PGLYRP4: variants seen among roughly 807,000 people sequenced by gnomAD.
PGLYRP4 encodes PGRP-I-beta.
A neutral mutation model predicts 41.2 loss-of-function variants in PGLYRP4; 39 were observed. The ratio of observed to expected loss-of-function variants is 0.95; its 90% CI spans 0.73 to 1.24. The LOEUF (loss-of-function observed/expected upper bound fraction) is 1.24. Among genes scored for constraint, PGLYRP4 ranks in the 50% most tolerant of loss-of-function variants. The pLI, the probability that PGLYRP4 is intolerant of heterozygous loss-of-function variation, is 0.00. For synonymous variants in PGLYRP4, 202 were observed against 186.8 expected (o/e 1.08, Z -0.66); for missense variants, 467 against 460.7 (o/e 1.01, Z -0.13).
intron 8 of PGLYRP4, chr1:153,331,823 G>C (rs1655309): frequency 0.93 from 141,121 of 152,404 alleles, 65,416 homozygotes; most frequent in African/African-American, 0.98. Context: ...AAGTTCTACA[G>C]ATGGAAACTA....
chr1:153,332,217 A>C (rs1374877342), intron 8 of PGLYRP4, among the ~76,000 whole-genome samples: 2 of 152,178 alleles, frequency 1.3e-5, no homozygotes, highest in Admixed American at 1.3e-4. Context: ...AAAAAAGATA[A>C]GGAAGTTCAT....
At chr1:153,335,387 G>A (rs1286912452) in intron 8 of PGLYRP4, among the ~76,000 whole-genome samples, 1 of 152,074 alleles carries the variant, frequency 6.6e-6, no homozygotes, top group East Asian at 1.9e-4. Context: ...AAAGGATGTA[G>A]ACAGACATTT....
chr1:153,340,343 C>G, intron 7 of PGLYRP4, 38 bp downstream of exon 7: 1 of 1,584,052 alleles, frequency 6.3e-7, no homozygotes, highest in South Asian at 1.1e-5. Context: ...TTTCTGCCCC[C>G]AAGGGAAAAG....
At chr1:153,340,269 G>T in intron 7 of PGLYRP4, 112 bp downstream of exon 7, 1 of 912,420 alleles carries the variant, frequency 1.1e-6, no homozygotes, top group Non-Finnish European at 1.8e-6. Context: ...TCCATACAGT[G>T]CCTCTCCTAT....
In PGLYRP4 at chr1:153,347,098, G is replaced by A. The variant is rs924831332; in HGVS notation, c.49+786C>T. Reference sequence around the variant, plus strand: ...TTTTGTTTGTTTGTTTGTTTGAGACGGACTCTCACTCTGTCACCAGGCTGG... The same window carrying A: ...TTTTGTTTGTTTGTTTGTTTGAGACAGACTCTCACTCTGTCACCAGGCTGG... On this transcript the variant is annotated intron_variant, in intron 2 of 8. Transcript: ENST00000359650. Among the ~76,000 whole-genome samples, 12 of 152,010 alleles carry A rather than the reference G, an allele frequency of 7.9e-5. No homozygotes were observed. In the East Asian group the frequency reaches 1.7e-3, roughly 22 times the overall value.
At chr1:153,335,668 T>C (rs1474742653) in intron 8 of PGLYRP4, among the ~76,000 whole-genome samples, 1 of 150,122 alleles carries the variant, frequency 6.7e-6, no homozygotes, top group African/African-American at 2.5e-5. Context: ...GAGGTTGCAG[T>C]GAGCCGAGGT....
At position 153,330,575 on chromosome 1, in the gene PGLYRP4, T is replaced by A. The variant is rs1012197137; in HGVS notation, c.*192A>T. The A allele has an allele frequency of 1.5e-5, 7 of 455,612 alleles. No individual in the cohort carries two copies. Among genetic ancestry groups the A allele is most frequent in the Non-Finnish European group, 2.8e-5 (7 of 247,794 alleles). The allele number at this position is 455,612 out of a possible 1,614,324, so 28.2% of individuals were successfully genotyped here. A position where few individuals can be genotyped will look rare whatever the true frequency, so the allele number is the denominator to read the frequency against. On this transcript the variant is annotated 3_prime_UTR_variant, in exon 9 of 9. Coordinates refer to ENST00000359650, the MANE Select transcript of PGLYRP4 (RefSeq NM_020393.4). ...ACTCAGACTCAGAGGGCTGTGAATG[T>A]CCAGCTATGAGGTTTGGAGGCCCTT...
At chr1:153,334,317 T>C in intron 8 of PGLYRP4, among the ~76,000 whole-genome samples, 1 of 151,422 alleles carries the variant, frequency 6.6e-6, no homozygotes, top group East Asian at 1.9e-4. Context: ...TATAGATAGA[T>C]ATAGATAGAT....
intron 8 of PGLYRP4, among the ~76,000 whole-genome samples, chr1:153,332,474 A>T (rs1229160769): frequency 6.6e-6 from 1 of 152,184 alleles, no homozygotes; most frequent in Non-Finnish European, 1.5e-5. Context: ...CAGATCATCA[A>T]GGCAGAAAAT....
chr1:153,332,047 C>G (rs552157171), intron 8 of PGLYRP4, among the ~76,000 whole-genome samples: 11 of 152,058 alleles, frequency 7.2e-5, no homozygotes, highest in African/African-American at 2.7e-4. Flanking sequence ...ACACAAAATC[C>G]AACTGTATGC....
intron 8 of PGLYRP4, among the ~76,000 whole-genome samples, chr1:153,336,387 A>AAC (rs1660565891): frequency 1.3e-5 from 2 of 151,026 alleles, no homozygotes; most frequent in South Asian, 4.2e-4. Flanking sequence ...AAAAAAAAAA[A>AAC]AAAAACAAAG....
chr1:153,333,231 G>T (rs553259865), intron 8 of PGLYRP4, among the ~76,000 whole-genome samples: 3 of 152,070 alleles, frequency 2.0e-5, no homozygotes, highest in East Asian at 3.9e-4. Context: ...AAATAATAAA[G>T]GTTGCATTAC....
rs1256434913 is a variant in PGLYRP4 at position 153,343,767 on chromosome 1, C to G, written c.354-559G>C. Among the ~76,000 whole-genome samples, 4 of 152,274 alleles carry G rather than the reference C, an allele frequency of 2.6e-5. No individual in the cohort carries two copies. The East Asian group carries it at 7.7e-4, about 29-fold the overall frequency. ...ACCACTTTAAATTCCAGCTCCCTTT[C>G]TAGCCTCATGTATTTCAAGGAAATC... On this transcript the variant is annotated intron_variant, in intron 4 of 8. Coordinates refer to ENST00000359650, the MANE Select transcript of PGLYRP4 (RefSeq NM_020393.4).
chr1:153,346,620 T>C (rs983756106), intron 2 of PGLYRP4, among the ~76,000 whole-genome samples: 4 of 152,184 alleles, frequency 2.6e-5, no homozygotes, highest in African/African-American at 7.2e-5. Flanking sequence ...TCCCCCGGGA[T>C]TGATTTTAGG....
In PGLYRP4 at chr1:153,330,684, G is replaced by T; in HGVS notation, c.*83C>A. 1 of 1,205,442 alleles carries T rather than the reference G, an allele frequency of 8.3e-7. No homozygotes were observed. The highest frequency in any genetic ancestry group is 1.2e-6 in the Non-Finnish European group (1 of 837,418). The allele number at this position is 1,205,442 out of a possible 1,614,324, so 74.7% of individuals were successfully genotyped here. A position where few individuals can be genotyped will look rare whatever the true frequency, so the allele number is the denominator to read the frequency against. Reference sequence around the variant, plus strand: ...TGTGTGGCAGGGGAGGAGGGCAAAAGGTGTTGAGCCAAGCTGGATGGTTAG... The same window carrying T: ...TGTGTGGCAGGGGAGGAGGGCAAAATGTGTTGAGCCAAGCTGGATGGTTAG... On this transcript the variant is annotated 3_prime_UTR_variant, in exon 9 of 9. Coordinates refer to ENST00000359650, the MANE Select transcript of PGLYRP4 (RefSeq NM_020393.4).
intron 8 of PGLYRP4, among the ~76,000 whole-genome samples, chr1:153,334,474 A>G (rs1660466115): frequency 6.9e-6 from 1 of 145,644 alleles, no homozygotes; most frequent in African/African-American, 2.5e-5. Context: ...TTATTTATAT[A>G]TATTTATATA....
At chr1:153,340,780 C>G (rs1295753217) in intron 6 of PGLYRP4, among the ~76,000 whole-genome samples, 1 of 150,274 alleles carries the variant, frequency 6.7e-6, no homozygotes, top group Non-Finnish European at 1.5e-5. Flanking sequence ...ACATTTTATT[C>G]TAAGAATATG....
Position 153,347,451 on chromosome 1 carries a change from C to A in PGLYRP4, c.49+433G>T, listed in dbSNP as rs529254841. ...GTGGCACGATCTCATCTCACTACAA[C>A]CTCCATCTCCTGGCTTCAAGCAATT... On this transcript the variant is annotated intron_variant, in intron 2 of 8. Coordinates refer to ENST00000359650, the MANE Select transcript of PGLYRP4 (RefSeq NM_020393.4). 2.0e-5 allele frequency among the ~76,000 whole-genome samples: 3 copies of A among 152,246 alleles called. No homozygotes were observed. The South Asian group carries it at 6.2e-4, about 32-fold the overall frequency.
rs961484435 is a variant in PGLYRP4, at chr1:153,330,655, G to T, written c.*112C>A. 2.4e-6 allele frequency: 2 copies of T among 847,238 alleles called. No homozygotes were observed. Among genetic ancestry groups the T allele is most frequent in the Non-Finnish European group, 3.8e-6 (2 of 520,838 alleles). 52.5% of individuals were successfully genotyped at this position (847,238 alleles called of 1,614,324 possible). A position where few individuals can be genotyped will look rare whatever the true frequency, so the allele number is the denominator to read the frequency against. On this transcript the variant is annotated 3_prime_UTR_variant, in exon 9 of 9. Transcript: ENST00000359650. ...ATCCCAACCTGAAAAAGGAGGCACA[G>T]GACTGTGTGGCAGGGGAGGAGGGCA...
Sources: allele counts gnomAD v4.1 joint callset (sites outside exome capture counted in the v4.1 genomes callset), GRCh38; gene constraint gnomAD v4.1.1; transcripts MANE v1.5; gene names NCBI Gene and HGNC (gene_info 2026-07-23, HGNC 2026-07-21).